ZNF142: variants seen among roughly 807,000 people sequenced by gnomAD.
ZNF142 encodes the protein zinc finger protein 142 (clone pHZ-49).
A neutral mutation model predicts 132.1 loss-of-function variants in ZNF142; 96 were observed. The ratio of observed to expected loss-of-function variants is 0.73; its 90% CI spans 0.62 to 0.86. ZNF142 has a LOEUF of 0.86. Among genes scored for constraint, ZNF142 ranks in the 40% least tolerant of loss-of-function variants. The probability of loss-of-function intolerance (pLI) is 0.00; values close to 1 mark genes in which losing one functional copy is unlikely to be tolerated. For missense variants in ZNF142, 2,163 were observed against 2,336.2 expected, an observed-to-expected ratio of 0.93 and a Z score of 1.53; for synonymous variants, 842 against 890.1, an observed-to-expected ratio of 0.95 and a Z score of 0.96.
chr2:218,646,464 T>C (rs1488983485), intron 7 of ZNF142, 116 bp from the exon 8 acceptor site: 24 of 1,201,076 alleles, frequency 2.0e-5, no homozygotes, highest in Non-Finnish European at 2.8e-5. Context: ...CAGCTTCATG[T>C]GCTACCTGAG....
rs1559280080 is a variant in ZNF142 at position 218,636,424 on chromosome 2, C to G, written c.*1915G>C. On this transcript the variant is annotated 3_prime_UTR_variant, in exon 11 of 11. Coordinates refer to ENST00000411696, the MANE Select transcript of ZNF142 (RefSeq NM_001379659.1). ...CAGCCCCTTTGGCCCCTGGCCAATA[C>G]CCCAGCTCTGGCTGCCTTCCTAATG... 2 of 1,613,782 alleles carry G rather than the reference C, an allele frequency of 1.2e-6. No individual in the cohort carries two copies. Among genetic ancestry groups the G allele is most frequent in the African/African-American group, 2.7e-5 (2 of 74,944 alleles).
chr2:218,639,924 C>T (rs1341001475), intron 10 of ZNF142, among the ~76,000 whole-genome samples: 7 of 150,610 alleles, frequency 4.6e-5, no homozygotes, highest in African/African-American at 7.3e-5. Context: ...GGCGTGGTGG[C>T]GGGTGCCTGT....
chr2:218,639,384 CG>C, intron 10 of ZNF142, among the ~76,000 whole-genome samples: 1 of 152,282 alleles, frequency 6.6e-6, no homozygotes, highest in East Asian at 1.9e-4. Flanking sequence ...TGATGATTAA[CG>C]GGACCTCTAA....
At position 218,637,442 on chromosome 2, in the gene ZNF142, T is replaced by A. The variant is rs1696826618; in HGVS notation, c.*897A>T. Among the ~76,000 whole-genome samples, 1 of 152,232 alleles carries A rather than the reference T, an allele frequency of 6.6e-6. No homozygotes were observed. The highest frequency in any genetic ancestry group is 2.1e-4 in the South Asian group (1 of 4,828). ...TCTGTTGTCCCAGCATAATTATTAA[T>A]AGTACCCTCTTTAAGTTTTCCCAGT... On this transcript the variant is annotated 3_prime_UTR_variant, in exon 11 of 11. Transcript: ENST00000411696.
rs375239015 is a variant in ZNF142 at position 218,638,615 on chromosome 2, A to G, written c.5388T>C (p.Asn1796=). ...CCCAGCGGAAAGCACGGTGGCACAC[A>G]TTGCACACATAGGGTTTGGCCTCAC... is the stretch of plus-strand genomic sequence containing the variant. ...KHSEAKPYVC[N]VCHRAFRWAA... Residue 1796 remains asparagine (N), a synonymous_variant, in exon 11 of 11, where the codon AAT becomes AAC. Coordinates refer to ENST00000411696, the MANE Select transcript of ZNF142 (RefSeq NM_001379659.1). The G allele has an allele frequency of 3.1e-6, 5 of 1,614,084 alleles. No individual in the cohort carries two copies. The African/African-American group carries it at 5.3e-5, about 17-fold the overall frequency.
At chr2:218,650,263 A>G in intron 6 of ZNF142, 96 bp downstream of exon 6, 1 of 1,494,526 alleles carries the variant, frequency 6.7e-7, no homozygotes, top group African/African-American at 1.4e-5. Context: ...GATCCGAACC[A>G]AAGCTCAGAA....
intron 5 of ZNF142, among the ~76,000 whole-genome samples, chr2:218,651,292 T>C (rs1937967828): frequency 6.6e-6 from 1 of 152,232 alleles, no homozygotes; most frequent in Non-Finnish European, 1.5e-5. Flanking sequence ...CAAAGGGTTA[T>C]TTCCTTTTTA....
rs1419352552 is a variant in ZNF142, at chr2:218,652,032, G to C, written c.549C>G (p.Phe183Leu). 3 of 517,198 alleles carry C rather than the reference G, an allele frequency of 5.8e-6. No homozygotes were observed. The highest frequency in any genetic ancestry group is 3.9e-5 in the African/African-American group (2 of 51,136). The allele number at this position is 517,198 out of a possible 1,614,324, so 32.0% of individuals were successfully genotyped here. ...TGTCAGGAGTGCCCCGGTGAATCTT[G>C]AAGTGGCTCTTCAGGGCCTGGGGTT... The part of the protein sequence containing the change: ...FAQPQALKSH[F>L]KIHRGTPDTF... Residue 183 changes from phenylalanine (F) to leucine (L), a missense_variant, in exon 5 of 11, where the codon TTC (phenylalanine) becomes TTG (leucine). Phe to Leu is a conservative substitution (Grantham distance 22). Transcript: ENST00000411696.
rs532508813 is a variant in ZNF142, at chr2:218,634,042, T to C, written c.*4297A>G. On this transcript the variant is annotated 3_prime_UTR_variant, in exon 11 of 11. Coordinates refer to ENST00000411696, the MANE Select transcript of ZNF142 (RefSeq NM_001379659.1). This position sits in a 1 kb window ranked among gnomAD's most constrained non-coding sequence, Gnocchi z 4.0. ...GAAGGGTGAAGAGTAGGCATGGTCC[T>C]TGGGACTAGGGAAGTGGGAGATTCC... 9.5e-4 allele frequency: 1,479 copies of C among 1,549,134 alleles called. 6 individuals carry two copies. The Middle Eastern group carries it at 9.9e-3, about 10-fold the overall frequency.
Position 218,638,377 on chromosome 2 carries a change from G to T in ZNF142, c.5626C>A (p.Pro1876Thr), listed in dbSNP as rs952934120. 6.5e-7 allele frequency: 1 copy of T among 1,527,176 alleles called. No individual in the cohort carries two copies. Among genetic ancestry groups the T allele is most frequent in the Non-Finnish European group, 8.8e-7 (1 of 1,135,602 alleles). The allele number at this position is 1,527,176 out of a possible 1,614,324, so 94.6% of individuals were successfully genotyped here. The change falls in exon 11 of 11, where the codon CCT (proline) becomes ACT (threonine). Residue 1876 changes from proline to threonine, a missense_variant. Transcript: ENST00000411696. Reference protein sequence around the residue: ...HDVQLEDPSPPAPAAPHTGPE... With the variant: ...HDVQLEDPSPTAPAAPHTGPE... ...CCAGTGTGGGGAGCGGCAGGAGCAG[G>T]AGGGCTGGGATCCTCCAGCTGCACA...
At position 218,649,331 on chromosome 2, in the gene ZNF142, A is replaced by G; in HGVS notation, c.1177T>C (p.Cys393Arg). 6.2e-7 allele frequency: 1 copy of G among 1,614,178 alleles called. No homozygotes were observed. Among genetic ancestry groups the G allele is most frequent in the African/African-American group, 1.3e-5 (1 of 75,046 alleles). The change falls in exon 7 of 11, where the codon TGC (cysteine) becomes CGC (arginine). Residue 393 changes from cysteine to arginine, a missense_variant. Cys to Arg is a radical substitution (Grantham distance 180, BLOSUM62 -3). Transcript: ENST00000411696. The part of the protein sequence containing the change: ...HLHFPDPSLQ[C>R]PNCQKFFTSK... The stretch of plus-strand genomic sequence containing the variant: ...GTGAAGAACTTCTGGCAGTTAGGGC[A>G]CTGGAGGCTGGGGTCTGGGAAGTGG...
At chr2:218,647,591 T>A (rs1235033520) in intron 7 of ZNF142, among the ~76,000 whole-genome samples, 2 of 152,026 alleles carry the variant, frequency 1.3e-5, no homozygotes, top group African/African-American at 4.8e-5. Flanking sequence ...GAGCAGTCTG[T>A]TTCCTTGCCT....
At chr2:218,646,479 T>A in intron 7 of ZNF142, 131 bp from the exon 8 acceptor site, 1 of 1,017,050 alleles carries the variant, frequency 9.8e-7, no homozygotes, top group Non-Finnish European at 1.4e-6. Flanking sequence ...CCTGAGATGG[T>A]GAAAACCTCA....
At chr2:218,645,606 C>T (rs1697663108) in intron 8 of ZNF142, among the ~76,000 whole-genome samples, 1 of 152,178 alleles carries the variant, frequency 6.6e-6, no homozygotes, top group African/African-American at 2.4e-5. Context: ...TCAAGTGACA[C>T]CTTAGTCTCT....
intron 7 of ZNF142, among the ~76,000 whole-genome samples, chr2:218,648,141 G>A (rs1178557518): frequency 6.7e-6 from 1 of 148,654 alleles, no homozygotes; most frequent in African/African-American, 2.4e-5. Context: ...CTAGAAGACA[G>A]TTACGAGTGC....
In ZNF142 at chr2:218,642,271, C is replaced by CCCATCT. The variant is rs1362546412; in HGVS notation, c.4839_4844dup (p.Gly1617_Asp1618dup). ...GCGGGGGCTGGCCAGCATCCCCATC[C>CCCATCT]CCATCTGAGGCTGCCACGGCTGCTG... On this transcript the variant is annotated inframe_insertion, in exon 9 of 11. Transcript: ENST00000411696. This position sits in a 1 kb window ranked among gnomAD's most constrained non-coding sequence, Gnocchi z 4.6. The CCCATCT allele has an allele frequency of 5.0e-6, 8 of 1,614,026 alleles. No individual in the cohort carries two copies. Among genetic ancestry groups the CCCATCT allele is most frequent in the Non-Finnish European group, 6.8e-6 (8 of 1,180,046 alleles).
In ZNF142 at chr2:218,649,373, C is replaced by T; in HGVS notation, c.1135G>A (p.Val379Met). 1.2e-6 allele frequency: 2 copies of T among 1,614,078 alleles called. No homozygotes were observed. The highest frequency in any genetic ancestry group is 1.7e-6 in the Non-Finnish European group (2 of 1,179,986). ...GGGAAGTGGAGATGCAGGTGCTCCA[C>T]CAGATGAGTCCGCTTCTTAAAGCAG... ...KRCFKKRTHL[V>M]EHLHLHFPDP... The change falls in exon 7 of 11, where the codon GTG becomes ATG. Residue 379 changes from valine to methionine, a missense_variant. Physicochemically the swap from Val to Met is conservative, Grantham distance 21 (BLOSUM62 1). Around this residue, in one of 7 missense-constraint regions of ZNF142, gnomAD observed 749 missense variants for 830.3 expected, o/e 0.90. Transcript: ENST00000411696.
intron 4 of ZNF142, among the ~76,000 whole-genome samples, chr2:218,654,840 T>C (rs1350445585): frequency 6.6e-6 from 1 of 151,840 alleles, no homozygotes; most frequent in Non-Finnish European, 1.5e-5. Flanking sequence ...ATCCCAAAAC[T>C]TTAGGAGGCC....
At chr2:218,655,577 A>ATT (rs1938407109) in intron 4 of ZNF142, among the ~76,000 whole-genome samples, 2 of 152,160 alleles carry the variant, frequency 1.3e-5, no homozygotes, top group South Asian at 4.1e-4. Context: ...GCAGCCTCTA[A>ATT]CTCCTGGGCT....
Sources: gnomAD v4.1 joint callset for allele counts (sites outside exome capture counted in the v4.1 genomes callset) on GRCh38, gnomAD v4.1.1 for gene constraint, gnomAD v4.1.1 regional missense constraint, Gnocchi (gnomAD v3.1) non-coding constraint, MANE v1.5 for transcripts, NCBI Gene and HGNC (gene_info 2026-07-23, HGNC 2026-07-21) for gene names.